FBXO34: variants seen among roughly 807,000 people sequenced by gnomAD.
FBXO34 encodes F-box protein 34.
FBXO34 carries 12 observed loss-of-function variants against 24.5 expected under a neutral mutation model. The ratio of observed to expected loss-of-function variants is 0.49; its 90% confidence interval spans 0.31 to 0.79. FBXO34 has a LOEUF of 0.79. Among genes scored for constraint, FBXO34 ranks in the 30% least tolerant of loss-of-function variants. FBXO34 has a pLI of 0.04. For missense variants in FBXO34, 823 were observed against 857.7 expected (o/e 0.96, Z 0.51); for synonymous variants, 320 against 311.9 (o/e 1.03, Z -0.27).
At chr14:55,353,772 A>C (rs1356990336), downstream of FBXO34, among the ~76,000 whole-genome samples, 1 of 152,210 alleles carries the variant, frequency 6.6e-6, no homozygotes, top group Non-Finnish European at 1.5e-5. Context: ...TTGAAGTTTA[A>C]ATTTTTGCAA....
chr14:55,404,415 C>T, the FBXO34 span, among the ~76,000 whole-genome samples: 4 of 152,224 alleles, frequency 2.6e-5, no homozygotes, highest in Admixed American at 2.6e-4. Flanking sequence ...ACTGCTCTGC[C>T]ATGCGCAAGT....
At position 55,331,723 on chromosome 14, in the gene FBXO34, ATATATG is replaced by A. The variant is rs1436865222; in HGVS notation, c.-10-18652_-10-18647del. ...TATATATGTATATATATATGTATAT[ATATATG>A]TATATATATATGTGTGTATATATAT... On this transcript the variant is annotated intron_variant, in intron 1 of 1. Coordinates refer to ENST00000313833, the MANE Select transcript of FBXO34 (RefSeq NM_017943.4). Among the ~76,000 whole-genome samples, 8 of 43,656 alleles carry A rather than the reference ATATATG, an allele frequency of 1.8e-4. 2 individuals are homozygous for A. Among genetic ancestry groups the A allele is most frequent in the African/African-American group, 1.4e-3 (7 of 5,132 alleles). The allele number at this position is 43,656 out of a possible 152,430, so 28.6% of individuals were successfully genotyped here.
At chr14:55,275,485 G>A (rs1417561581) in intron 1 of FBXO34, among the ~76,000 whole-genome samples, 1 of 151,990 alleles carries the variant, frequency 6.6e-6, no homozygotes, top group African/African-American at 2.4e-5. Flanking sequence ...TTGCTATGAT[G>A]GGTCTTGGGT....
the FBXO34 span, among the ~76,000 whole-genome samples, chr14:55,439,548 G>T: frequency 4.6e-5 from 7 of 151,374 alleles, no homozygotes; most frequent in Admixed American, 4.6e-4. Flanking sequence ...CCAGCACTTC[G>T]GGAGGCCAAG....
At chr14:55,288,674 A>G (rs11848456) in intron 1 of FBXO34, among the ~76,000 whole-genome samples, 46,017 of 152,046 alleles carry the variant, frequency 0.3, 7,268 homozygotes, top group Non-Finnish European at 0.34. Context: ...TCTTCAGTTA[A>G]TCAGAGAAAA....
At chr14:55,323,376 T>G in intron 1 of FBXO34, among the ~76,000 whole-genome samples, 1 of 141,344 alleles carries the variant, frequency 7.1e-6, no homozygotes, top group Non-Finnish European at 1.5e-5. Flanking sequence ...GGCCCCCCTT[T>G]AAATTTATTT....
At chr14:55,433,126 A>G in the FBXO34 span, among the ~76,000 whole-genome samples, 6 of 151,870 alleles carry the variant, frequency 4.0e-5, no homozygotes, top group African/African-American at 1.2e-4. Context: ...ATATGTCAGT[A>G]TTTTATTATT....
downstream of FBXO34, among the ~76,000 whole-genome samples, chr14:55,371,806 AAAAC>A (rs777292854): frequency 3.3e-4 from 50 of 151,372 alleles, no homozygotes; most frequent in East Asian, 1.6e-3. Context: ...TCTGTCTCAA[AAAAC>A]AAACAAAAAA....
intron 1 of FBXO34, among the ~76,000 whole-genome samples, chr14:55,280,014 T>C (rs1211862504): frequency 2.0e-5 from 3 of 152,248 alleles, no homozygotes; most frequent in Non-Finnish European, 2.9e-5. Context: ...GATAATATCT[T>C]AAACCTCCAG....
the FBXO34 span, among the ~76,000 whole-genome samples, chr14:55,420,063 G>GT: frequency 4.0e-5 from 6 of 151,878 alleles, no homozygotes; most frequent in Non-Finnish European, 7.4e-5. Flanking sequence ...GGCCCTTAAG[G>GT]TTTTTTTTGT....
chr14:55,326,318 T>A (rs1883341510), intron 1 of FBXO34, among the ~76,000 whole-genome samples: 1 of 152,182 alleles, frequency 6.6e-6, no homozygotes, highest in Non-Finnish European at 1.5e-5. Context: ...GGGGACTAGA[T>A]AATTAAATGA....
downstream of FBXO34, among the ~76,000 whole-genome samples, chr14:55,372,856 G>A (rs1025829013): frequency 6.6e-5 from 10 of 152,122 alleles, no homozygotes; most frequent in Non-Finnish European, 1.0e-4. Context: ...GGTGGACTCC[G>A]GTTCTCTGCG....
At chr14:55,404,445 T>C in the FBXO34 span, among the ~76,000 whole-genome samples, 2 of 152,230 alleles carry the variant, frequency 1.3e-5, no homozygotes, top group East Asian at 3.8e-4. Flanking sequence ...ATTTCCATCA[T>C]CACGTCAATT....
chr14:55,310,280 T>C (rs1882692099), intron 1 of FBXO34, among the ~76,000 whole-genome samples: 1 of 152,192 alleles, frequency 6.6e-6, no homozygotes, highest in African/African-American at 2.4e-5. Flanking sequence ...TGGAAGTATG[T>C]TTGTTCTCTG....
the FBXO34 span, chr14:55,385,909 T>C: frequency 1.2e-5 from 19 of 1,614,074 alleles, no homozygotes; most frequent in Non-Finnish European, 1.6e-5. Flanking sequence ...AGGTGAGCTC[T>C]AATATATGGG....
At chr14:55,354,005 T>C (rs182272655), downstream of FBXO34, among the ~76,000 whole-genome samples, 184 of 152,208 alleles carry the variant, frequency 1.2e-3, no homozygotes, top group African/African-American at 4.3e-3. Flanking sequence ...TGGCTTGAAA[T>C]CGAGTACCCA....
chr14:55,388,246 G>A, the FBXO34 span, among the ~76,000 whole-genome samples: 4 of 152,190 alleles, frequency 2.6e-5, no homozygotes, highest in African/African-American at 9.6e-5. Flanking sequence ...TCTTTACCAA[G>A]CTCTTTACAA....
chr14:55,437,214 C>T, the FBXO34 span, among the ~76,000 whole-genome samples: 31 of 135,026 alleles, frequency 2.3e-4, no homozygotes, highest in African/African-American at 7.2e-4. Flanking sequence ...TGGTAGCTCA[C>T]GCCTGTAATC....
At position 55,341,027 on chromosome 14, in the gene FBXO34, T is replaced by G. The variant is rs151245080; in HGVS notation, c.-10-9354T>G. On this transcript the variant is annotated intron_variant, in intron 1 of 1. Coordinates refer to ENST00000313833, the MANE Select transcript of FBXO34 (RefSeq NM_017943.4). ...ACATGTTAAAGAAAAAACTGATACT[T>G]GTTAAAGGTGGGCAAAAAAGACTAT... 7.2e-5 allele frequency among the ~76,000 whole-genome samples: 11 copies of G among 152,248 alleles called. No individual in the cohort carries two copies. In the East Asian group the frequency reaches 1.7e-3, roughly 24 times the overall value.
Sources: gnomAD v4.1 joint callset for allele counts (sites outside exome capture counted in the v4.1 genomes callset) on GRCh38, gnomAD v4.1.1 for gene constraint, MANE v1.5 for transcripts, NCBI Gene and HGNC (gene_info 2026-07-23, HGNC 2026-07-21) for gene names.